Variants in PLXNA2 observed in about 807,000 individuals in gnomAD.
The protein encoded by PLXNA2 is plexin A2, also known as plexin-A2.
In PLXNA2, 91 loss-of-function variants were observed where a neutral mutation model predicts 193.5. The observed-to-expected ratio is 0.47, with a 90% CI of 0.40 to 0.56. The LOEUF (loss-of-function observed/expected upper bound fraction) is 0.56, where lower values mean the gene tolerates loss of function less well. Ranked by LOEUF, PLXNA2 falls within the 20% of genes least tolerant of loss-of-function variation. PLXNA2 has a pLI of 0.00. For missense variants in PLXNA2, 1,995 were observed against 2,503.2 expected, an observed-to-expected ratio of 0.80 and a Z score of 4.33; for synonymous variants, 997 against 1,027.3, an observed-to-expected ratio of 0.97 and a Z score of 0.56.
At chr1:208,121,054 G>A (rs1032351965) in intron 4 of PLXNA2, among the ~76,000 whole-genome samples, 4 of 152,220 alleles carry the variant, frequency 2.6e-5, no homozygotes, top group African/African-American at 7.2e-5. Flanking sequence ...AGCAGTAGAC[G>A]CTTAATAACC....
At chr1:208,168,545 CAGA>C (rs1669382590) in intron 3 of PLXNA2, among the ~76,000 whole-genome samples, 1 of 152,114 alleles carries the variant, frequency 6.6e-6, no homozygotes, top group East Asian at 1.9e-4. Context: ...CCCCACTTTG[CAGA>C]AGAACAAATA....
At chr1:208,040,111 G>A (rs1664818828) in intron 22 of PLXNA2, 53 bp from the exon 23 acceptor site, 3 of 1,447,378 alleles carry the variant, frequency 2.1e-6, no homozygotes, top group Non-Finnish European at 1.9e-6. Flanking sequence ...GGTCTCCGTG[G>A]TGGGGCCTGG....
chr1:208,112,563 C>T (rs765551834), intron 4 of PLXNA2, among the ~76,000 whole-genome samples: 2 of 152,176 alleles, frequency 1.3e-5, no homozygotes, highest in Admixed American at 6.5e-5. Flanking sequence ...GATGCAGACC[C>T]CACTGAAGGT....
Position 208,143,590 on chromosome 1 carries a change from A to G in PLXNA2, c.1372-1127T>C, listed in dbSNP as rs1489930787. ...CTAGTTGTTAGTTTTCTAGTTTTCT[A>G]GTAGCTGACTCCTGACCAATATTCA... On this transcript the variant is annotated intron_variant, in intron 3 of 31. Transcript: ENST00000367033. Among the ~76,000 whole-genome samples the G allele has an allele frequency of 6.6e-5, 10 of 152,174 alleles. No homozygotes were observed. In the South Asian group the frequency reaches 1.9e-3, roughly 28 times the overall value.
rs1277018045 is a variant in PLXNA2 at position 208,096,062 on chromosome 1, T to G, written c.1949A>C (p.Glu650Ala). 6.2e-7 allele frequency: 1 copy of G among 1,614,082 alleles called. No homozygotes were observed. The highest frequency in any genetic ancestry group is 8.5e-7 in the Non-Finnish European group (1 of 1,179,950). The change falls in exon 8 of 32, where the codon GAG becomes GCG. Residue 650 changes from glutamate to alanine, a missense_variant. By Grantham distance (107) the Glu-to-Ala change is moderately radical. Around this residue, in one of 3 missense-constraint regions of PLXNA2, gnomAD observed 1,291 missense variants for 1,673.6 expected, o/e 0.77. Transcript: ENST00000367033. Reference sequence around the variant, plus strand: ...GGCACTGCAGTTGTAAAACTTGAACTCGGTGCTGACAAATATCTTCCCTGT... The same window carrying G: ...GGCACTGCAGTTGTAAAACTTGAACGCGGTGCTGACAAATATCTTCCCTGT... ...KETGKIFVST[E>A]FKFYNCSAHQ... is the part of the protein sequence containing the mutation.
At chr1:208,040,099 G>A in intron 22 of PLXNA2, 41 bp from the exon 23 acceptor site, 1 of 1,544,166 alleles carries the variant, frequency 6.5e-7, no homozygotes, top group Non-Finnish European at 9.0e-7. Flanking sequence ...CCTTCACAGA[G>A]GGGTCTCCGT....
intron 3 of PLXNA2, among the ~76,000 whole-genome samples, chr1:208,151,380 C>G (rs1348096287): frequency 6.6e-6 from 1 of 152,092 alleles, no homozygotes; most frequent in Non-Finnish European, 1.5e-5. Context: ...ACCTCTTAGG[C>G]TTTTTGAACT....
intron 4 of PLXNA2, among the ~76,000 whole-genome samples, chr1:208,114,706 G>A (rs1285086998): frequency 3.3e-5 from 5 of 152,344 alleles, no homozygotes; most frequent in African/African-American, 9.6e-5. Context: ...CAGACCCCCC[G>A]ATAGTATTCT....
intron 3 of PLXNA2, among the ~76,000 whole-genome samples, chr1:208,201,738 C>A (rs185063384): frequency 3.3e-5 from 5 of 151,908 alleles, no homozygotes; most frequent in Admixed American, 1.3e-4. Context: ...TTATTACTAC[C>A]CCACTCCACA....
chr1:208,191,386 T>G (rs1670176946), intron 3 of PLXNA2, among the ~76,000 whole-genome samples: 1 of 152,296 alleles, frequency 6.6e-6, no homozygotes, highest in African/African-American at 2.4e-5. Context: ...TATTAGCTGT[T>G]ACTATAGATA....
chr1:208,228,129 G>C (rs1361150644), intron 1 of PLXNA2, among the ~76,000 whole-genome samples: 1 of 152,114 alleles, frequency 6.6e-6, no homozygotes, highest in Non-Finnish European at 1.5e-5. Context: ...GAAGAAAAAT[G>C]TTAATGGCTC....
At chr1:208,161,215 T>C (rs1358787681) in intron 3 of PLXNA2, among the ~76,000 whole-genome samples, 1 of 152,150 alleles carries the variant, frequency 6.6e-6, no homozygotes. Flanking sequence ...GGGATCCAGC[T>C]TCAATAGAGA....
chr1:208,038,566 A>C lies in PLXNA2; in HGVS notation c.4661-92T>G, dbSNP rs1487492499. The C allele has an allele frequency of 2.9e-6, 3 of 1,039,736 alleles. No individual in the cohort carries two copies. Among genetic ancestry groups the C allele is most frequent in the Non-Finnish European group, 4.5e-6 (3 of 666,264 alleles). The allele number at this position is 1,039,736 out of a possible 1,614,324, so 64.4% of individuals were successfully genotyped here. A position where few individuals can be genotyped will look rare whatever the true frequency, so the allele number is the denominator to read the frequency against. On this transcript the variant is annotated intron_variant, in intron 25 of 31. Transcript: ENST00000367033. This position sits in a 1 kb window ranked among gnomAD's most constrained non-coding sequence, Gnocchi z 4.1. ...ATTGCACCTTCTCTAGGGACCTGGC[A>C]ACCCGGCCCCCTCAAGCTGGTACCA...
At chr1:208,131,264 G>A (rs1193964967) in intron 4 of PLXNA2, among the ~76,000 whole-genome samples, 1 of 152,138 alleles carries the variant, frequency 6.6e-6, no homozygotes, top group Non-Finnish European at 1.5e-5. Context: ...CGACACCTCT[G>A]AACCTGCATC....
chr1:208,185,696 C>CAAAAAAA (rs56384277), intron 3 of PLXNA2, among the ~76,000 whole-genome samples: 207 of 57,128 alleles, frequency 3.6e-3, no homozygotes, highest in Non-Finnish European at 4.1e-3. Context: ...TCTCTGAAAG[C>CAAAAAAA]AAAAAAAAAA....
chr1:208,209,108 A>T, intron 3 of PLXNA2, among the ~76,000 whole-genome samples: 1 of 152,158 alleles, frequency 6.6e-6, no homozygotes, highest in Non-Finnish European at 1.5e-5. Flanking sequence ...GGCACAGAAG[A>T]GGAACATGTA....
At chr1:208,180,176 T>A (rs1669795527) in intron 3 of PLXNA2, among the ~76,000 whole-genome samples, 1 of 152,032 alleles carries the variant, frequency 6.6e-6, no homozygotes, top group Admixed American at 6.5e-5. Flanking sequence ...TTTTTTTTTT[T>A]TTTTTAAATA....
Position 208,096,784 on chromosome 1 carries a change from C to A in PLXNA2, c.1831G>T (p.Val611Phe). ...EVEGQVSGSQ[V>F]ICISPGPKDV... is the part of the protein sequence containing the mutation. ...TTGGGCCCAGGTGAGATGCAGATGA[C>A]CTGGCTCCCGGACACCTGCCCCTCC... The change falls in exon 7 of 32, where the codon GTC becomes TTC. Residue 611 changes from valine to phenylalanine, a missense_variant. By Grantham distance (50) the Val-to-Phe change is conservative (BLOSUM62 -1). This residue lies in a region of PLXNA2 where 702 missense variants were observed against 812.9 expected (regional missense o/e 0.86). Transcript: ENST00000367033. 1 of 1,614,128 alleles carries A rather than the reference C, an allele frequency of 6.2e-7. No individual in the cohort carries two copies. The highest frequency in any genetic ancestry group is 1.7e-5 in the Admixed American group (1 of 60,020).
intron 18 of PLXNA2, 102 bp from the exon 19 acceptor site, chr1:208,045,312 C>T (rs976672666): frequency 1.6e-6 from 2 of 1,241,070 alleles, no homozygotes; most frequent in Admixed American, 2.0e-5. Context: ...GGCAGCAGTG[C>T]AAAAACCAGG....
Sources: allele counts gnomAD v4.1 joint callset (sites outside exome capture counted in the v4.1 genomes callset), GRCh38; gene constraint gnomAD v4.1.1; regional missense constraint gnomAD v4.1.1; non-coding constraint Gnocchi (gnomAD v3.1); transcripts MANE v1.5; gene names NCBI Gene and HGNC (gene_info 2026-07-23, HGNC 2026-07-21).